NCAM2: variants seen among roughly 807,000 people sequenced by gnomAD.
NCAM2 encodes the protein N-CAM-2.
NCAM2 carries 30 observed loss-of-function variants against 98.1 expected under a neutral mutation model. That is an observed-to-expected ratio of 0.31 (90% CI 0.23 to 0.41). NCAM2 has a LOEUF of 0.41. Ranked by LOEUF, NCAM2 falls within the 10% of genes least tolerant of loss-of-function variation. The pLI is 1.00. For missense variants in NCAM2, 867 were observed against 1,005.8 expected, an observed-to-expected ratio of 0.86 and a Z score of 1.87; for synonymous variants, 368 against 342.4, an observed-to-expected ratio of 1.07 and a Z score of -0.83.
intron 14 of NCAM2, among the ~76,000 whole-genome samples, chr21:21,475,281 T>C (rs1985020264): frequency 6.6e-6 from 1 of 152,106 alleles, no homozygotes; most frequent in Non-Finnish European, 1.5e-5. Flanking sequence ...ACTGGTGACC[T>C]GCCTAGCCCT....
intron 1 of NCAM2, among the ~76,000 whole-genome samples, chr21:21,123,032 A>G (rs2066707971): frequency 1.3e-5 from 2 of 152,192 alleles, no homozygotes; most frequent in African/African-American, 2.4e-5. Flanking sequence ...CAGTCTGTGT[A>G]TTTTCCTTGG....
chr21:21,379,527 A>G (rs760446027), intron 9 of NCAM2, among the ~76,000 whole-genome samples: 4 of 152,230 alleles, frequency 2.6e-5, no homozygotes, highest in Non-Finnish European at 4.4e-5. Flanking sequence ...AGTTATGTAC[A>G]AGAATCTGTT....
intron 16 of NCAM2, among the ~76,000 whole-genome samples, chr21:21,531,226 A>G (rs941119292): frequency 1.3e-5 from 2 of 152,156 alleles, no homozygotes; most frequent in African/African-American, 4.8e-5. Flanking sequence ...GCTATTTATT[A>G]CATGAAAGTT....
At chr21:21,273,613 T>G (rs184641848) in intron 1 of NCAM2, among the ~76,000 whole-genome samples, 6 of 152,142 alleles carry the variant, frequency 3.9e-5, no homozygotes, top group South Asian at 2.1e-4. Flanking sequence ...ACTAAACTTA[T>G]TAGTAGAATG....
At chr21:21,106,270 T>A (rs778521200) in intron 1 of NCAM2, among the ~76,000 whole-genome samples, 1 of 135,894 alleles carries the variant, frequency 7.4e-6, no homozygotes, top group Non-Finnish European at 1.5e-5. Context: ...TTTGCACCTC[T>A]GCACTCCAGC....
intron 1 of NCAM2, among the ~76,000 whole-genome samples, chr21:21,177,751 C>T (rs2068341553): frequency 6.6e-6 from 1 of 151,160 alleles, no homozygotes; most frequent in South Asian, 2.1e-4. Flanking sequence ...CCCTCCTTTC[C>T]CTTCCCCTCT....
intron 12 of NCAM2, among the ~76,000 whole-genome samples, chr21:21,448,195 C>A (rs1272391207): frequency 6.6e-6 from 1 of 152,024 alleles, no homozygotes; most frequent in East Asian, 1.9e-4. Flanking sequence ...ACATAAACAC[C>A]ATGGAATACT....
chr21:21,175,771 G>T (rs1051011971), intron 1 of NCAM2, among the ~76,000 whole-genome samples: 1 of 152,158 alleles, frequency 6.6e-6, no homozygotes, highest in Non-Finnish European at 1.5e-5. Flanking sequence ...GATTTGTGAA[G>T]TAAAATTCAG....
chr21:21,337,542 T>C (rs2074907218), intron 7 of NCAM2, among the ~76,000 whole-genome samples: 1 of 151,996 alleles, frequency 6.6e-6, no homozygotes, highest in Non-Finnish European at 1.5e-5. Flanking sequence ...TTAAAATATA[T>C]AAAAAGTAAC....
chr21:21,402,566 A>C (rs569396101), intron 9 of NCAM2, among the ~76,000 whole-genome samples: 17 of 152,228 alleles, frequency 1.1e-4, no homozygotes, highest in Admixed American at 7.2e-4. Context: ...CTGTTTCCTC[A>C]AAAGCATGTG....
intron 1 of NCAM2, among the ~76,000 whole-genome samples, chr21:21,249,663 C>G (rs1468508785): frequency 2.1e-5 from 3 of 142,824 alleles, no homozygotes; most frequent in Non-Finnish European, 4.5e-5. Context: ...ACAATCAGCA[C>G]CCCCACAATT....
At chr21:21,079,183 C>T (rs777239146) in intron 1 of NCAM2, among the ~76,000 whole-genome samples, 5 of 151,644 alleles carry the variant, frequency 3.3e-5, no homozygotes, top group Non-Finnish European at 7.4e-5. Context: ...ACATGTATCC[C>T]GGAACTTAAA....
chr21:21,535,000 C>T (rs972048216), intron 17 of NCAM2, among the ~76,000 whole-genome samples: 52 of 151,944 alleles, frequency 3.4e-4, no homozygotes, highest in African/African-American at 1.2e-3. Flanking sequence ...ATTATATTTA[C>T]TGAAATAAGG....
chr21:21,431,560 G>T (rs951621178), intron 11 of NCAM2, among the ~76,000 whole-genome samples: 1 of 151,970 alleles, frequency 6.6e-6, no homozygotes, highest in African/African-American at 2.4e-5. Context: ...ATATATAAAT[G>T]AAATTAGACC....
At chr21:21,456,229 AATGACAGAATATGC>A (rs1161200979) in intron 12 of NCAM2, among the ~76,000 whole-genome samples, 1 of 152,154 alleles carries the variant, frequency 6.6e-6, no homozygotes, top group Non-Finnish European at 1.5e-5. Context: ...TAGTTTAAGA[AATGACAGAATATGC>A]TGGCCAGAGT....
intron 1 of NCAM2, among the ~76,000 whole-genome samples, chr21:21,147,649 TAATA>T (rs962884464): frequency 4.7e-5 from 7 of 149,604 alleles, no homozygotes; most frequent in Admixed American, 3.4e-4. Flanking sequence ...GATATATATT[TAATA>T]AATTTATATA....
chr21:21,322,462 C>T (rs556855897), intron 5 of NCAM2, among the ~76,000 whole-genome samples: 20 of 151,844 alleles, frequency 1.3e-4, no homozygotes, highest in Non-Finnish European at 2.9e-4. Context: ...AAAAAGAAAA[C>T]GTAAAAAGAA....
At chr21:21,435,380 T>A (rs1978297883) in intron 12 of NCAM2, among the ~76,000 whole-genome samples, 1 of 152,090 alleles carries the variant, frequency 6.6e-6, no homozygotes, top group Non-Finnish European at 1.5e-5. Flanking sequence ...ATTCAGTGGG[T>A]TCTGTTCACC....
chr21:21,060,016 G>A (rs980913958), intron 1 of NCAM2, among the ~76,000 whole-genome samples: 3 of 152,026 alleles, frequency 2.0e-5, no homozygotes, highest in African/African-American at 7.2e-5. Flanking sequence ...AATTAATGAT[G>A]TGAAATATAA....
Sources: allele counts gnomAD v4.1 joint callset (sites outside exome capture counted in the v4.1 genomes callset), GRCh38; gene constraint gnomAD v4.1.1; transcripts MANE v1.5; gene names NCBI Gene and HGNC (gene_info 2026-07-23, HGNC 2026-07-21).